Variants in TRAPPC12 observed in about 807,000 individuals in gnomAD.
The protein encoded by TRAPPC12 is TPR repeat protein 15.
In TRAPPC12, 61 loss-of-function variants were observed where a neutral mutation model predicts 69.2. That is an observed-to-expected ratio of 0.88 (90% CI 0.72 to 1.09). TRAPPC12 has a LOEUF of 1.09. TRAPPC12 is among the 50% of genes least tolerant of loss of function. The pLI, the probability that TRAPPC12 is intolerant of heterozygous loss-of-function variation, is 0.00. For synonymous variants in TRAPPC12, 469 were observed against 438.9 expected (o/e 1.07, Z -0.86); for missense variants, 1,101 against 1,016.4 (o/e 1.08, Z -1.13).
At chr2:3,380,891 AAAGATC>A (rs2103410063) in intron 1 of TRAPPC12, among the ~76,000 whole-genome samples, 1 of 152,352 alleles carries the variant, frequency 6.6e-6, no homozygotes, top group East Asian at 1.9e-4. Flanking sequence ...GTACCATCTA[AAAGATC>A]AAGATTTTCA....
chr2:3,469,019 T>C (rs72767117), intron 9 of TRAPPC12, among the ~76,000 whole-genome samples: 3,996 of 152,160 alleles, frequency 0.026, 83 homozygotes, highest in Non-Finnish European at 0.041. Context: ...AGAACTCAAA[T>C]GGAATGAACA....
chr2:3,422,020 G>T (rs754623390), intron 4 of TRAPPC12, 26 bp downstream of exon 4: 1 of 1,563,278 alleles, frequency 6.4e-7, no homozygotes, highest in Non-Finnish European at 8.7e-7. Flanking sequence ...AGGTGCTGGA[G>T]TTTAACCTGG....
chr2:3,388,535 C>T lies in TRAPPC12; in HGVS notation c.912C>T (p.Asp304=). ...CCGCCCTGAGCATGAGCGAGATGGACCGGAGGAACGACGCCTGGCTTCCCG... is the reference window on the plus strand; with the variant it reads ...CCGCCCTGAGCATGAGCGAGATGGATCGGAGGAACGACGCCTGGCTTCCCG... ...FATALSMSEM[D]RRNDAWLPGE... The change falls in exon 2 of 12, where the codon GAC becomes GAT. Residue 304 remains aspartate (D), a synonymous_variant. Transcript: ENST00000324266. 1.2e-6 allele frequency: 2 copies of T among 1,613,114 alleles called. No individual in the cohort carries two copies. Among genetic ancestry groups the T allele is most frequent in the Non-Finnish European group, 1.7e-6 (2 of 1,179,738 alleles).
intron 3 of TRAPPC12, chr2:3,421,574 G>A (rs371626148): frequency 3.9e-5 from 23 of 587,744 alleles, no homozygotes; most frequent in Admixed American, 9.0e-5. Flanking sequence ...AGAGATGTGC[G>A]GAGCTTTCCA....
chr2:3,413,650 A>G (rs1015513329), intron 3 of TRAPPC12, among the ~76,000 whole-genome samples: 1 of 152,242 alleles, frequency 6.6e-6, no homozygotes, highest in Non-Finnish European at 1.5e-5. Flanking sequence ...AAAAAAGACG[A>G]CAAGGATGCA....
Position 3,421,964 on chromosome 2 carries a change from G to C in TRAPPC12, c.1248G>C (p.Leu416=). 6.2e-7 allele frequency: 1 copy of C among 1,613,266 alleles called. No individual in the cohort carries two copies. The highest frequency in any genetic ancestry group is 2.2e-5 in the East Asian group (1 of 44,858). ...GCCAGGGCTACGGCAAGAGCGGGCT[G>C]CTCACCAGCCACACGACAGATTCAC... is the stretch of plus-strand genomic sequence containing the variant. ...AHGQGYGKSG[L]LTSHTTDSLQ... The change falls in exon 4 of 12, where the codon CTG becomes CTC. Residue 416 remains leucine (L), a synonymous_variant. Transcript: ENST00000324266.
At chr2:3,409,818 T>G (rs993962361) in intron 3 of TRAPPC12, among the ~76,000 whole-genome samples, 6 of 147,482 alleles carry the variant, frequency 4.1e-5, no homozygotes, top group African/African-American at 1.5e-4. Flanking sequence ...TTCCCTCTAC[T>G]GATGCATCTG....
intron 6 of TRAPPC12, chr2:3,455,172 C>T (rs2103127804): frequency 6.6e-6 from 1 of 151,028 alleles, no homozygotes; most frequent in Non-Finnish European, 1.5e-5. Context: ...TCCCGTCCCT[C>T]TTTCTTCCTG....
intron 3 of TRAPPC12, among the ~76,000 whole-genome samples, chr2:3,408,248 C>G (rs1432728401): frequency 6.6e-6 from 1 of 152,234 alleles, no homozygotes; most frequent in Non-Finnish European, 1.5e-5. Context: ...GCGGACAAGC[C>G]TATCACACTG....
Position 3,479,552 on chromosome 2 carries a change from A to AT in TRAPPC12, c.*91_*92insT. ...TAATGTGACATGGAGGAACTCAATA[A>AT]AACTCCTGCTTCACTGGTGTCTGCT... On this transcript the variant is annotated 3_prime_UTR_variant, in exon 12 of 12. Coordinates refer to ENST00000324266, the MANE Select transcript of TRAPPC12 (RefSeq NM_016030.6). 1 of 1,494,532 alleles carries AT rather than the reference A, an allele frequency of 6.7e-7. No individual in the cohort carries two copies. The highest frequency in any genetic ancestry group is 9.1e-7 in the Non-Finnish European group (1 of 1,100,446). 92.6% of individuals were successfully genotyped at this position (1,494,532 alleles called of 1,614,324 possible).
intron 9 of TRAPPC12, among the ~76,000 whole-genome samples, chr2:3,475,712 G>A (rs772481800): frequency 1.3e-5 from 2 of 152,144 alleles, no homozygotes; most frequent in Non-Finnish European, 2.9e-5. Context: ...ATCAGCACAC[G>A]GTCTGGGCGT....
chr2:3,436,896 A>C (rs1351024855), intron 5 of TRAPPC12, among the ~76,000 whole-genome samples: 16 of 95,048 alleles, frequency 1.7e-4, no homozygotes, highest in Non-Finnish European at 3.3e-4. Context: ...CCCCTGGATT[A>C]ATCTCCCCAC....
intron 5 of TRAPPC12, among the ~76,000 whole-genome samples, chr2:3,440,643 C>G (rs1664148834): frequency 6.6e-6 from 1 of 152,086 alleles, no homozygotes; most frequent in African/African-American, 2.4e-5. Context: ...TCTTCCCAGT[C>G]TGTGTACCTT....
intron 8 of TRAPPC12, among the ~76,000 whole-genome samples, chr2:3,463,295 TC>T (rs947705800): frequency 1.3e-5 from 2 of 151,812 alleles, no homozygotes; most frequent in African/African-American, 4.8e-5. Context: ...CCAGAATTCT[TC>T]CCCCAACTGC....
At chr2:3,397,909 A>G (rs1032563948) in intron 2 of TRAPPC12, among the ~76,000 whole-genome samples, 5 of 152,272 alleles carry the variant, frequency 3.3e-5, no homozygotes, top group Non-Finnish European at 7.4e-5. Flanking sequence ...CTCCTCCTGC[A>G]ATGTGGTCCA....
intron 2 of TRAPPC12, among the ~76,000 whole-genome samples, chr2:3,397,439 A>T (rs752448628): frequency 6.6e-6 from 1 of 152,050 alleles, no homozygotes; most frequent in Non-Finnish European, 1.5e-5. Flanking sequence ...CACACTCAAC[A>T]CCCCACAGCC....
intron 2 of TRAPPC12, among the ~76,000 whole-genome samples, chr2:3,392,594 C>A (rs1009770282): frequency 3.3e-5 from 5 of 152,112 alleles, no homozygotes; most frequent in African/African-American, 1.2e-4. Context: ...CTGTTTAAGT[C>A]AAAGAACTAG....
chr2:3,462,447 T>C (rs934108244), intron 8 of TRAPPC12, among the ~76,000 whole-genome samples: 3 of 152,188 alleles, frequency 2.0e-5, no homozygotes, highest in Admixed American at 6.5e-5. Flanking sequence ...GCATACAGGG[T>C]ATTGCAACAG....
intron 8 of TRAPPC12, chr2:3,462,792 G>A (rs574014720): frequency 2.1e-4 from 89 of 425,578 alleles, no homozygotes; most frequent in African/African-American, 1.5e-3. Flanking sequence ...TGCCACCTTA[G>A]GTGGCTTGGG....
Sources: allele counts gnomAD v4.1 joint callset (sites outside exome capture counted in the v4.1 genomes callset), GRCh38; gene constraint gnomAD v4.1.1; transcripts MANE v1.5; gene names NCBI Gene and HGNC (gene_info 2026-07-23, HGNC 2026-07-21).